ABCA13: variants seen among roughly 807,000 people sequenced by gnomAD.
ABCA13 encodes the protein ATP binding cassette subfamily A member 13, also known as ATP-binding cassette sub-family A member 13.
In ABCA13, 476 loss-of-function variants were observed where a neutral mutation model predicts 478.7. The observed-to-expected ratio is 0.99, with a 90% CI of 0.92 to 1.07. ABCA13 has a LOEUF of 1.07. ABCA13 is among the 50% of genes least tolerant of loss of function. ABCA13 has a pLI of 0.00. For synonymous variants in ABCA13, 2,252 were observed against 2,158.9 expected (o/e 1.04, Z -1.20); for missense variants, 6,060 against 5,910.6 (o/e 1.03, Z -0.83).
At chr7:48,343,591 C>CT (rs11373950) in intron 29 of ABCA13, among the ~76,000 whole-genome samples, 92,630 of 149,304 alleles carry the variant, frequency 0.62, 28,786 homozygotes, top group Middle Eastern at 0.73. Context: ...TATAGATTTT[C>CT]TTTTTTTTTT....
chr7:48,297,786 C>CTTTT (rs11393352), intron 22 of ABCA13, among the ~76,000 whole-genome samples: 2 of 142,002 alleles, frequency 1.4e-5, no homozygotes, highest in Non-Finnish European at 1.5e-5. Context: ...TTCTTTCTTT[C>CTTTT]TTTTTTTTTT....
chr7:48,280,294 T>C (rs1214354988), intron 18 of ABCA13, among the ~76,000 whole-genome samples: 1 of 152,218 alleles, frequency 6.6e-6, no homozygotes, highest in Non-Finnish European at 1.5e-5. Context: ...AACATGAAGC[T>C]GCTTGCTTCA....
In ABCA13 at chr7:48,398,879, C is replaced by T. The variant is rs527814353; in HGVS notation, c.11874-4804C>T. Among the ~76,000 whole-genome samples the T allele has an allele frequency of 2.8e-4, 42 of 152,066 alleles. 1 individual carries two copies. The highest frequency in any genetic ancestry group is 2.2e-3 in the Admixed American group (34 of 15,272). Reference sequence around the variant, plus strand: ...GATGGGGAGAAAACAGCCAAGCAGGCAAGAAAGAGAAATCAGTAGCAAAGG... The same window carrying T: ...GATGGGGAGAAAACAGCCAAGCAGGTAAGAAAGAGAAATCAGTAGCAAAGG... On this transcript the variant is annotated intron_variant, in intron 38 of 61. Coordinates refer to ENST00000435803, the MANE Select transcript of ABCA13 (RefSeq NM_152701.5).
intron 55 of ABCA13, among the ~76,000 whole-genome samples, chr7:48,535,880 T>C (rs1833536829): frequency 6.6e-6 from 1 of 152,118 alleles, no homozygotes; most frequent in African/African-American, 2.4e-5. Context: ...CCCAACAGCA[T>C]CAAGTCAATT....
At position 48,387,871 on chromosome 7, in the gene ABCA13, T is replaced by A; in HGVS notation, c.11385T>A (p.Tyr3795Ter). 1 of 1,612,194 alleles carries A rather than the reference T, an allele frequency of 6.2e-7. No individual in the cohort carries two copies. Among genetic ancestry groups the A allele is most frequent in the Non-Finnish European group, 8.5e-7 (1 of 1,179,208 alleles). ...GGTATTTCCCCTTTACTGCCTCATATTGGAAGAGTGTGGGTTTCTTGGTGG... is the reference window on the plus strand; with the variant it reads ...GGTATTTCCCCTTTACTGCCTCATAATGGAAGAGTGTGGGTTTCTTGGTGG... Reference protein sequence around the residue: ...KPWYFPFTASYWKSVGFLVEK... With the variant: ...KPWYFPFTAS Residue 3795 changes from tyrosine to a stop codon, truncating the protein, a stop_gained, in exon 36 of 62, where the codon TAT becomes TAA. Transcript: ENST00000435803. LOFTEE classifies it high-confidence loss of function.
chr7:48,386,399 A>G (rs1165216389), intron 35 of ABCA13, among the ~76,000 whole-genome samples: 2 of 152,232 alleles, frequency 1.3e-5, no homozygotes, highest in South Asian at 2.1e-4. Context: ...CAAAATTCAC[A>G]TGGAACTAAA....
At chr7:48,498,273 T>G (rs1563354383) in intron 48 of ABCA13, among the ~76,000 whole-genome samples, 1 of 152,156 alleles carries the variant, frequency 6.6e-6, no homozygotes, top group African/African-American at 2.4e-5. Flanking sequence ...AAGTAGTTCT[T>G]TTGTTAGACC....
chr7:48,402,903 G>A (rs1817794616), intron 38 of ABCA13, among the ~76,000 whole-genome samples: 1 of 152,244 alleles, frequency 6.6e-6, no homozygotes, highest in Non-Finnish European at 1.5e-5. Flanking sequence ...AAGGTTTCAG[G>A]AAGGCATTGT....
chr7:48,531,326 A>G (rs1010060268), intron 55 of ABCA13, among the ~76,000 whole-genome samples: 4 of 151,830 alleles, frequency 2.6e-5, no homozygotes, highest in African/African-American at 7.3e-5. Flanking sequence ...TTTCTGGGTT[A>G]TTGATTCTGT....
At chr7:48,451,753 TGA>T (rs1286219031) in intron 42 of ABCA13, among the ~76,000 whole-genome samples, 2 of 152,212 alleles carry the variant, frequency 1.3e-5, no homozygotes, top group Non-Finnish European at 2.9e-5. Context: ...GGATGCTTGC[TGA>T]GACTTTGATA....
intron 9 of ABCA13, among the ~76,000 whole-genome samples, chr7:48,239,869 C>G (rs1318838696): frequency 6.6e-6 from 1 of 152,190 alleles, no homozygotes; most frequent in Non-Finnish European, 1.5e-5. Flanking sequence ...TTTAACAACA[C>G]GAAGGGAGGC....
chr7:48,551,852 G>A (rs573107008), intron 55 of ABCA13, among the ~76,000 whole-genome samples: 63 of 151,796 alleles, frequency 4.2e-4, no homozygotes, highest in South Asian at 1.7e-3. Flanking sequence ...CCATTCTAAG[G>A]TCACACATTT....
At chr7:48,417,581 A>T (rs1037519589) in intron 41 of ABCA13, among the ~76,000 whole-genome samples, 4 of 152,128 alleles carry the variant, frequency 2.6e-5, no homozygotes, top group African/African-American at 9.7e-5. Flanking sequence ...GAATGCACAA[A>T]TTGTGCATTC....
At chr7:48,177,690 T>G (rs1407381123) in intron 1 of ABCA13, among the ~76,000 whole-genome samples, 1 of 152,200 alleles carries the variant, frequency 6.6e-6, no homozygotes, top group Non-Finnish European at 1.5e-5. Context: ...CTGGCTGCAG[T>G]CATACAGTAG....
At chr7:48,579,627 A>T in intron 55 of ABCA13, among the ~76,000 whole-genome samples, 1 of 106,954 alleles carries the variant, frequency 9.3e-6, no homozygotes, top group Non-Finnish European at 1.9e-5. Context: ...ATAAAAAAAC[A>T]GTTTGATTAT....
At chr7:48,409,489 C>T (rs367578853) in intron 39 of ABCA13, among the ~76,000 whole-genome samples, 6 of 152,308 alleles carry the variant, frequency 3.9e-5, no homozygotes, top group East Asian at 3.9e-4. Context: ...CCAAGTCCCC[C>T]TCCACCCTGG....
chr7:48,580,039 G>A lies in ABCA13; in HGVS notation c.14355-185G>A, dbSNP rs113864246. On this transcript the variant is annotated intron_variant, in intron 55 of 61. Transcript: ENST00000435803. ...AGCTCAAAATAATCCATATGCCAAA[G>A]AGGCCTATTTTGGGGTGACTTCTTG... Among the ~76,000 whole-genome samples, 255 of 152,304 alleles carry A rather than the reference G, an allele frequency of 1.7e-3. 1 individual carries two copies. Among genetic ancestry groups the A allele is most frequent in the African/African-American group, 5.7e-3 (239 of 41,576 alleles).
intron 20 of ABCA13, among the ~76,000 whole-genome samples, chr7:48,292,492 G>A (rs1318695251): frequency 6.6e-6 from 1 of 152,104 alleles, no homozygotes; most frequent in Non-Finnish European, 1.5e-5. Flanking sequence ...CTCCTTTGCT[G>A]AGAGTGTCCA....
Position 48,510,409 on chromosome 7 carries a change from C to T in ABCA13, c.13525-675C>T, listed in dbSNP as rs1452347636. On this transcript the variant is annotated intron_variant, in intron 50 of 61. Transcript: ENST00000435803. ...GAAAGCCATGGCTATTGTTGGCCTG[C>T]AGGGAGCACCTTAAGGTGAGGCTGG... Among the ~76,000 whole-genome samples the T allele has an allele frequency of 2.0e-5, 3 of 152,118 alleles. No homozygotes were observed. The East Asian group carries it at 5.8e-4, about 29-fold the overall frequency.
Sources: allele counts gnomAD v4.1 joint callset (sites outside exome capture counted in the v4.1 genomes callset), GRCh38; gene constraint gnomAD v4.1.1; transcripts MANE v1.5; gene names NCBI Gene and HGNC (gene_info 2026-07-23, HGNC 2026-07-21).